MYO3A: variants seen among roughly 807,000 people sequenced by gnomAD.
MYO3A encodes the protein myosin IIIA.
Under a neutral mutation model 192.7 loss-of-function variants are expected in MYO3A, and 180 were observed. That is an observed-to-expected ratio of 0.93 (90% CI 0.83 to 1.06). MYO3A has a LOEUF of 1.06. MYO3A is among the 50% of genes least tolerant of loss of function. The pLI is 0.00. For synonymous variants in MYO3A, 628 were observed against 645.3 expected (o/e 0.97, Z 0.41); for missense variants, 1,896 against 1,905.0 (o/e 1.00, Z 0.09).
chr10:26,175,741 CAG>C, intron 30 of MYO3A, among the ~76,000 whole-genome samples: 1 of 152,286 alleles, frequency 6.6e-6, no homozygotes, highest in Admixed American at 6.5e-5. Context: ...AAGACCAAAT[CAG>C]GGATTAGAAC....
chr10:25,990,903 A>G (rs2130858752), intron 4 of MYO3A, among the ~76,000 whole-genome samples: 1 of 152,236 alleles, frequency 6.6e-6, no homozygotes, highest in East Asian at 1.9e-4. Context: ...TTCTTAATCC[A>G]GTCTATCATT....
At chr10:26,115,591 TAGTC>T (rs1239193425) in intron 17 of MYO3A, among the ~76,000 whole-genome samples, 2 of 152,224 alleles carry the variant, frequency 1.3e-5, no homozygotes, top group Non-Finnish European at 2.9e-5. Flanking sequence ...AAAAAAATCT[TAGTC>T]AGTTTTTCTT....
intron 21 of MYO3A, among the ~76,000 whole-genome samples, chr10:26,143,882 A>G (rs1164834835): frequency 6.6e-6 from 1 of 152,216 alleles, no homozygotes; most frequent in African/African-American, 2.4e-5. Flanking sequence ...TGACCTTAGA[A>G]ATTTTCCAGC....
Position 26,203,326 on chromosome 10 carries a change from T to G in MYO3A, c.4730+219T>G, listed in dbSNP as rs551750238. Among the ~76,000 whole-genome samples, 8 of 152,268 alleles carry G rather than the reference T, an allele frequency of 5.3e-5. No individual in the cohort carries two copies. In the South Asian group the frequency reaches 1.7e-3, roughly 32 times the overall value. On this transcript the variant is annotated intron_variant, in intron 34 of 34. Coordinates refer to ENST00000642920, the MANE Select transcript of MYO3A (RefSeq NM_017433.5). Reference sequence around the variant, plus strand: ...TAGCAAAAACTGAGTTTTTATCTGTTTTCTTGGAGTAATTATTAACAAAAA... The same window carrying G: ...TAGCAAAAACTGAGTTTTTATCTGTGTTCTTGGAGTAATTATTAACAAAAA...
At chr10:25,997,644 C>G (rs1399811426) in intron 6 of MYO3A, among the ~76,000 whole-genome samples, 2 of 152,176 alleles carry the variant, frequency 1.3e-5, no homozygotes, top group African/African-American at 2.4e-5. Flanking sequence ...TCATTATCAT[C>G]TGGGAGTATT....
chr10:26,207,069 GT>G lies in MYO3A; in HGVS notation c.4730+3972del, dbSNP rs370958381. Among the ~76,000 whole-genome samples the G allele has an allele frequency of 6.4e-3, 938 of 147,268 alleles. 7 individuals are homozygous for G. The highest frequency in any genetic ancestry group is 0.022 in the African/African-American group (899 of 40,362). On this transcript the variant is annotated intron_variant, in intron 34 of 34. Coordinates refer to ENST00000642920, the MANE Select transcript of MYO3A (RefSeq NM_017433.5). ...TATTGGAGGGTTGTTTTCTGTTTGG[GT>G]TTTTTTTTTCTAAGTTGTATCAGTT...
intron 3 of MYO3A, among the ~76,000 whole-genome samples, chr10:25,953,704 A>G (rs1243838848): frequency 1.3e-5 from 2 of 152,008 alleles, no homozygotes; most frequent in African/African-American, 4.8e-5. Context: ...TTCATAATTT[A>G]CTCACATATG....
At chr10:25,950,227 T>G (rs1301455491) in intron 2 of MYO3A, among the ~76,000 whole-genome samples, 1 of 152,144 alleles carries the variant, frequency 6.6e-6, no homozygotes, top group African/African-American at 2.4e-5. Flanking sequence ...CGGCTAGCAA[T>G]GAACTTACTA....
chr10:26,063,584 A>G (rs1486287922), intron 10 of MYO3A, among the ~76,000 whole-genome samples: 1 of 152,228 alleles, frequency 6.6e-6, no homozygotes, highest in Non-Finnish European at 1.5e-5. Flanking sequence ...TTTACAATCT[A>G]GTAAAGGGTA....
intron 10 of MYO3A, among the ~76,000 whole-genome samples, chr10:26,064,130 T>C (rs1420276282): frequency 3.3e-5 from 5 of 152,034 alleles, no homozygotes; most frequent in Non-Finnish European, 7.4e-5. Context: ...AGGCAATGGC[T>C]AAAAATAGAG....
intron 19 of MYO3A, among the ~76,000 whole-genome samples, chr10:26,126,594 C>T (rs1839231437): frequency 6.6e-6 from 1 of 151,914 alleles, no homozygotes; most frequent in African/African-American, 2.4e-5. Flanking sequence ...TGTTCTGGTA[C>T]GGTCATCTAT....
rs1206558536 is a variant in MYO3A at position 26,212,272 on chromosome 10, T to A, written c.*309T>A. On this transcript the variant is annotated 3_prime_UTR_variant, in exon 35 of 35. Coordinates refer to ENST00000642920, the MANE Select transcript of MYO3A (RefSeq NM_017433.5). ...CCCCTAATCTATCACTTTGTTCTTT[T>A]TTTTTGTGACTCCTGTGGACTCCAC... The A allele has an allele frequency of 2.3e-6, 1 of 443,566 alleles. No homozygotes were observed. Among genetic ancestry groups the A allele is most frequent in the Non-Finnish European group, 4.0e-6 (1 of 251,672 alleles). 27.5% of individuals were successfully genotyped at this position (443,566 alleles called of 1,614,324 possible).
At chr10:26,179,702 C>G (rs1408091022) in intron 31 of MYO3A, among the ~76,000 whole-genome samples, 1 of 152,114 alleles carries the variant, frequency 6.6e-6, no homozygotes, top group Admixed American at 6.5e-5. Context: ...ACAGATAAAT[C>G]TCATTGTATG....
intron 10 of MYO3A, among the ~76,000 whole-genome samples, chr10:26,047,502 A>G (rs112134145): frequency 2.9e-4 from 44 of 152,312 alleles, no homozygotes; most frequent in African/African-American, 1.0e-3. Flanking sequence ...GGCCGGGCAC[A>G]GTGGCTCACG....
chr10:26,085,101 G>A (rs1439389759), intron 14 of MYO3A, among the ~76,000 whole-genome samples: 1 of 151,966 alleles, frequency 6.6e-6, no homozygotes, highest in East Asian at 1.9e-4. Flanking sequence ...TACACCTGTT[G>A]TAATTTCTCT....
chr10:25,934,386 G>T (rs566215989), intron 1 of MYO3A, 58 bp downstream of exon 1: 4 of 152,262 alleles, frequency 2.6e-5, no homozygotes, highest in African/African-American at 7.2e-5. Flanking sequence ...AGCGGCGCCC[G>T]CGCGGCGCTG....
intron 4 of MYO3A, among the ~76,000 whole-genome samples, chr10:25,981,321 C>T (rs191985023): frequency 2.2e-3 from 327 of 152,076 alleles, no homozygotes; most frequent in African/African-American, 7.2e-3. Flanking sequence ...GGATCACAGA[C>T]CTACCTGTAT....
At chr10:26,034,855 A>G (rs1482601997) in intron 10 of MYO3A, among the ~76,000 whole-genome samples, 1 of 151,390 alleles carries the variant, frequency 6.6e-6, no homozygotes, top group African/African-American at 2.4e-5. Flanking sequence ...ATATATATTT[A>G]ATATTGGTGT....
At chr10:26,065,585 CAAAAAAAA>C (rs33982842) in intron 10 of MYO3A, among the ~76,000 whole-genome samples, 2 of 23,242 alleles carry the variant, frequency 8.6e-5, no homozygotes, top group African/African-American at 1.7e-4. Context: ...ACTCCATCTC[CAAAAAAAA>C]AAAAAAAAAA....
Sources: gnomAD v4.1 joint callset for allele counts (sites outside exome capture counted in the v4.1 genomes callset) on GRCh38, gnomAD v4.1.1 for gene constraint, MANE v1.5 for transcripts, NCBI Gene and HGNC (gene_info 2026-07-23, HGNC 2026-07-21) for gene names.